RASGRF1: variants seen among roughly 807,000 people sequenced by gnomAD.
RASGRF1 encodes the protein ras-specific guanine nucleotide-releasing factor 1.
In RASGRF1, 40 loss-of-function variants were observed where a neutral mutation model predicts 138.7. The observed-to-expected ratio is 0.29, with a 90% CI of 0.22 to 0.38. RASGRF1 has a LOEUF of 0.38. RASGRF1 is among the 10% of genes least tolerant of loss of function. The pLI is 1.00. For synonymous variants in RASGRF1, 614 were observed against 663.2 expected, an observed-to-expected ratio of 0.93 and a Z score of 1.14; for missense variants, 1,108 against 1,650.4, an observed-to-expected ratio of 0.67 and a Z score of 5.69.
At chr15:78,980,443 T>C (rs929835085) in intron 24 of RASGRF1, 177 bp downstream of exon 24, 1 of 472,330 alleles carries the variant, frequency 2.1e-6, no homozygotes, top group Non-Finnish European at 3.8e-6. Flanking sequence ...GGAGTTTCTC[T>C]GGCAGACCAT....
chr15:79,008,824 T>G (rs1257088070), intron 13 of RASGRF1, among the ~76,000 whole-genome samples: 2 of 152,112 alleles, frequency 1.3e-5, no homozygotes, highest in Non-Finnish European at 2.9e-5. Flanking sequence ...CTGGCATGAC[T>G]CCACAAGGCC....
chr15:79,019,448 C>T (rs2056928032), intron 11 of RASGRF1, among the ~76,000 whole-genome samples: 1 of 152,052 alleles, frequency 6.6e-6, no homozygotes, highest in African/African-American at 2.4e-5. Context: ...CCCATTCAGC[C>T]CCATTTGAGT....
chr15:78,997,881 C>T (rs1041303670), intron 19 of RASGRF1: 13 of 573,810 alleles, frequency 2.3e-5, no homozygotes, highest in African/African-American at 3.8e-5. Context: ...CAAGGTCTGG[C>T]GCAGGGTGGG....
At chr15:79,015,584 C>T (rs1418397622) in intron 12 of RASGRF1, among the ~76,000 whole-genome samples, 175 bp from the exon 13 acceptor site, 1 of 152,184 alleles carries the variant, frequency 6.6e-6, no homozygotes, top group Non-Finnish European at 1.5e-5. Flanking sequence ...TAGACTTTGG[C>T]CGGAAGTCAA....
intron 19 of RASGRF1, 69 bp downstream of exon 19, chr15:78,998,027 A>G: frequency 7.2e-7 from 1 of 1,390,174 alleles, no homozygotes; most frequent in African/African-American, 1.4e-5. Context: ...ACCAGCCCAC[A>G]TGGAGGCAGA....
intron 8 of RASGRF1, 123 bp downstream of exon 8, chr15:79,031,277 G>GC: frequency 1.3e-6 from 1 of 761,478 alleles, no homozygotes; most frequent in Non-Finnish European, 2.1e-6. Flanking sequence ...GGCAAGCTGT[G>GC]CCCCTCCCTT....
chr15:78,995,900 T>C (rs1338792376), intron 19 of RASGRF1, 100 bp from the exon 20 acceptor site: 6 of 1,128,204 alleles, frequency 5.3e-6, no homozygotes, highest in Non-Finnish European at 6.7e-6. Flanking sequence ...TACGCCCCTC[T>C]GTCCTCGTCA....
chr15:79,078,221 AT>A (rs934552912), intron 1 of RASGRF1, among the ~76,000 whole-genome samples: 10 of 151,240 alleles, frequency 6.6e-5, no homozygotes, highest in African/African-American at 2.4e-4. Flanking sequence ...TTCCATCTAT[AT>A]GGGGACACCC....
intron 2 of RASGRF1, among the ~76,000 whole-genome samples, chr15:79,058,926 G>A (rs1426698393): frequency 1.3e-5 from 2 of 152,202 alleles, no homozygotes; most frequent in African/African-American, 4.8e-5. Flanking sequence ...GCATGAAGGA[G>A]TCTGTTTTTG....
At chr15:78,993,765 C>T (rs1043259800) in intron 20 of RASGRF1, among the ~76,000 whole-genome samples, 10 of 152,064 alleles carry the variant, frequency 6.6e-5, no homozygotes, top group South Asian at 2.1e-4. Flanking sequence ...GAGGCCCAGG[C>T]GCTGTGGGGC....
chr15:79,068,680 T>C (rs2141072490), intron 1 of RASGRF1, among the ~76,000 whole-genome samples: 1 of 151,000 alleles, frequency 6.6e-6, no homozygotes, highest in East Asian at 2.0e-4. Context: ...TGAATGAGAG[T>C]GTGGATGTGT....
chr15:79,075,400 C>T (rs2057819559), intron 1 of RASGRF1, among the ~76,000 whole-genome samples: 1 of 152,148 alleles, frequency 6.6e-6, no homozygotes, highest in Non-Finnish European at 1.5e-5. Flanking sequence ...CCAGTATGCC[C>T]TTCCTGTCCA....
intron 5 of RASGRF1, among the ~76,000 whole-genome samples, chr15:79,042,398 G>A (rs954846528): frequency 6.6e-6 from 1 of 152,236 alleles, no homozygotes; most frequent in African/African-American, 2.4e-5. Flanking sequence ...CTGTGCTGTG[G>A]TCTGAGGCAG....
At chr15:78,985,968 C>T (rs1434576126) in intron 22 of RASGRF1, 1 of 128,828 alleles carries the variant, frequency 7.8e-6, no homozygotes, top group Admixed American at 7.6e-5. Context: ...AACAAACAAA[C>T]ATACAAAAAA....
intron 13 of RASGRF1, among the ~76,000 whole-genome samples, chr15:79,009,806 C>T (rs2056756494): frequency 6.6e-6 from 1 of 151,974 alleles, no homozygotes. Flanking sequence ...CTCACTGCAA[C>T]CTCCGCCTCC....
At chr15:79,028,804 C>T (rs933406494) in intron 8 of RASGRF1, among the ~76,000 whole-genome samples, 2 of 152,214 alleles carry the variant, frequency 1.3e-5, no homozygotes, top group Non-Finnish European at 2.9e-5. Flanking sequence ...TTAATATGTG[C>T]GGCTTACAAA....
At chr15:78,974,260 T>C (rs2055829540) in intron 24 of RASGRF1, among the ~76,000 whole-genome samples, 1 of 152,154 alleles carries the variant, frequency 6.6e-6, no homozygotes, top group Non-Finnish European at 1.5e-5. Flanking sequence ...TTCTGGGGCC[T>C]CCTCCCCAGT....
At chr15:78,963,679 A>G (rs1047521781) in intron 26 of RASGRF1, among the ~76,000 whole-genome samples, 1 of 152,162 alleles carries the variant, frequency 6.6e-6, no homozygotes, top group Non-Finnish European at 1.5e-5. Flanking sequence ...TGTCTTGGCT[A>G]ATTGACTCTG....
chr15:78,992,090 G>A (rs1474690337), intron 20 of RASGRF1, among the ~76,000 whole-genome samples: 5 of 152,248 alleles, frequency 3.3e-5, no homozygotes, highest in Non-Finnish European at 7.3e-5. Context: ...GACAATGGAG[G>A]CTTCCAGAGG....
Sources: allele counts gnomAD v4.1 joint callset (sites outside exome capture counted in the v4.1 genomes callset), GRCh38; gene constraint gnomAD v4.1.1; transcripts MANE v1.5; gene names NCBI Gene and HGNC (gene_info 2026-07-23, HGNC 2026-07-21).